GRIK2: variants seen among roughly 807,000 people sequenced by gnomAD.
GRIK2 encodes glutamate receptor ionotropic, kainate 2.
Under a neutral mutation model 100.3 loss-of-function variants are expected in GRIK2, and 32 were observed. The ratio of observed to expected loss-of-function variants is 0.32; its 90% CI spans 0.24 to 0.43. The LOEUF (loss-of-function observed/expected upper bound fraction) is 0.43, where lower values mean the gene tolerates loss of function less well. GRIK2 is among the 20% of genes least tolerant of loss of function. The probability of loss-of-function intolerance (pLI) is 1.00; values close to 1 mark genes in which losing one functional copy is unlikely to be tolerated. For missense variants in GRIK2, 843 were observed against 1,114.9 expected (o/e 0.76, Z 3.47); for synonymous variants, 417 against 389.4 (o/e 1.07, Z -0.83).
chr6:101,520,625 G>A (rs1344108543), intron 2 of GRIK2, among the ~76,000 whole-genome samples: 1 of 151,940 alleles, frequency 6.6e-6, no homozygotes, highest in East Asian at 1.9e-4. Context: ...TTGTTTATCT[G>A]GTATCCAGTT....
At chr6:101,893,696 A>G (rs1376461175) in intron 12 of GRIK2, among the ~76,000 whole-genome samples, 1 of 151,746 alleles carries the variant, frequency 6.6e-6, no homozygotes, top group African/African-American at 2.4e-5. Flanking sequence ...GTAAGCACTA[A>G]TTAGATCCCA....
At chr6:101,971,429 G>A (rs1793045360) in intron 14 of GRIK2, among the ~76,000 whole-genome samples, 1 of 151,984 alleles carries the variant, frequency 6.6e-6, no homozygotes, top group African/African-American at 2.4e-5. Context: ...TACTCCCAGT[G>A]GGAGATGATA....
At chr6:101,522,347 G>A (rs746862914) in intron 2 of GRIK2, among the ~76,000 whole-genome samples, 8 of 152,012 alleles carry the variant, frequency 5.3e-5, no homozygotes, top group Non-Finnish European at 4.4e-5. Flanking sequence ...GATAGGTTAT[G>A]TTATGATGCA....
intron 7 of GRIK2, among the ~76,000 whole-genome samples, chr6:101,782,942 C>T (rs975461273): frequency 6.6e-5 from 10 of 151,156 alleles, no homozygotes; most frequent in East Asian, 5.9e-4. Context: ...CTGCAAGCTC[C>T]GCCTCCCGGG....
At chr6:101,475,215 CTAGAGATCT>C (rs1772165926) in intron 2 of GRIK2, among the ~76,000 whole-genome samples, 1 of 151,878 alleles carries the variant, frequency 6.6e-6, no homozygotes, top group Non-Finnish European at 1.5e-5. Context: ...GTATTGTGCC[CTAGAGATCT>C]GACACTTTTC....
chr6:101,589,674 A>G (rs540717927), intron 2 of GRIK2, among the ~76,000 whole-genome samples: 4 of 152,276 alleles, frequency 2.6e-5, no homozygotes, highest in African/African-American at 9.6e-5. Flanking sequence ...GAGAACATTT[A>G]CACCTCAGAA....
intron 14 of GRIK2, among the ~76,000 whole-genome samples, chr6:101,965,028 C>T (rs1167388839): frequency 6.6e-6 from 1 of 152,070 alleles, no homozygotes; most frequent in Non-Finnish European, 1.5e-5. Flanking sequence ...AGGAGAGATG[C>T]ATCTAAGCTC....
At chr6:101,426,272 C>T (rs1776693112) in intron 2 of GRIK2, among the ~76,000 whole-genome samples, 1 of 152,144 alleles carries the variant, frequency 6.6e-6, no homozygotes, top group South Asian at 2.1e-4. Context: ...AATGTCTCTC[C>T]TTGTCTCTGT....
intron 7 of GRIK2, among the ~76,000 whole-genome samples, chr6:101,709,636 A>G (rs563340892): frequency 1.1e-3 from 163 of 151,984 alleles, no homozygotes; most frequent in Non-Finnish European, 2.1e-3. Flanking sequence ...TCTAGTTAAT[A>G]TAGAAAAAAA....
At chr6:101,942,836 T>C (rs1441240610) in intron 14 of GRIK2, among the ~76,000 whole-genome samples, 1 of 152,194 alleles carries the variant, frequency 6.6e-6, no homozygotes, top group Non-Finnish European at 1.5e-5. Context: ...AATTTTTAGC[T>C]TGAACATGTG....
chr6:101,746,031 T>C (rs1776400718), intron 7 of GRIK2, among the ~76,000 whole-genome samples: 2 of 152,224 alleles, frequency 1.3e-5, no homozygotes, highest in Admixed American at 1.3e-4. Flanking sequence ...ACCACGAGTT[T>C]TTCCTTATTG....
At chr6:101,793,472 C>T (rs983737811) in intron 7 of GRIK2, among the ~76,000 whole-genome samples, 1 of 152,320 alleles carries the variant, frequency 6.6e-6, no homozygotes, top group Non-Finnish European at 1.5e-5. Context: ...TAGAGGACCA[C>T]TCCAGACCCT....
intron 14 of GRIK2, among the ~76,000 whole-genome samples, chr6:101,985,686 T>C (rs1793979923): frequency 6.6e-6 from 1 of 151,746 alleles, no homozygotes; most frequent in Non-Finnish European, 1.5e-5. Context: ...TGGGATAAAA[T>C]GTGAAGGTAT....
rs148878968 is a variant in GRIK2 at position 101,783,627 on chromosome 6, T to C, written c.952-16021T>C. Among the ~76,000 whole-genome samples the C allele has an allele frequency of 5.1e-3, 776 of 152,190 alleles. 5 individuals carry two copies. Among genetic ancestry groups the C allele is most frequent in the African/African-American group, 0.018 (755 of 41,520 alleles). ...GAGAGCTTCAAAGTACACAGGAAAGTGGGGAAAAGTTTGGAACTTCCTAGA... is the reference window on the plus strand; with the variant it reads ...GAGAGCTTCAAAGTACACAGGAAAGCGGGGAAAAGTTTGGAACTTCCTAGA... On this transcript the variant is annotated intron_variant, in intron 7 of 16. Transcript: ENST00000369134.
Position 101,494,969 on chromosome 6 carries a change from A to ATT in GRIK2, c.115+95579_115+95580dup, listed in dbSNP as rs1419295389. On this transcript the variant is annotated intron_variant, in intron 2 of 16. Coordinates refer to ENST00000369134, the MANE Select transcript of GRIK2 (RefSeq NM_021956.5). ...AATAAAAAGTAATACCTATATATGC[A>ATT]TTTATATATATATATATATATATAT... Among the ~76,000 whole-genome samples, 163 of 99,140 alleles carry ATT rather than the reference A, an allele frequency of 1.6e-3. 3 individuals are homozygous for ATT. The highest frequency in any genetic ancestry group is 6.7e-3 in the African/African-American group (157 of 23,524). 65.0% of individuals were successfully genotyped at this position (99,140 alleles called of 152,430 possible). A position where few individuals can be genotyped will look rare whatever the true frequency, so the allele number is the denominator to read the frequency against.
At chr6:101,928,197 G>T in intron 13 of GRIK2, 1 of 557,068 alleles carries the variant, frequency 1.8e-6, no homozygotes, top group South Asian at 2.3e-5. Context: ...TGAGTCTCCT[G>T]TCACTATATT....
intron 15 of GRIK2, among the ~76,000 whole-genome samples, chr6:102,051,370 G>C (rs1771186755): frequency 6.8e-6 from 1 of 146,318 alleles, no homozygotes; most frequent in Non-Finnish European, 1.5e-5. Context: ...TTGGCAACTT[G>C]TAAAAAGATA....
intron 9 of GRIK2, among the ~76,000 whole-genome samples, chr6:101,805,031 A>C (rs1780904159): frequency 6.6e-6 from 1 of 151,948 alleles, no homozygotes; most frequent in Admixed American, 6.6e-5. Flanking sequence ...CAAATTTATT[A>C]ATCTCTCTAA....
At chr6:101,952,280 A>T (rs895567760) in intron 14 of GRIK2, among the ~76,000 whole-genome samples, 2 of 152,204 alleles carry the variant, frequency 1.3e-5, no homozygotes, top group Admixed American at 6.5e-5. Context: ...ACTGCTGAGT[A>T]ACCTTCAATG....
Sources: allele counts gnomAD v4.1 joint callset (sites outside exome capture counted in the v4.1 genomes callset), GRCh38; gene constraint gnomAD v4.1.1; transcripts MANE v1.5; gene names NCBI Gene and HGNC (gene_info 2026-07-23, HGNC 2026-07-21).